The following KCND2 variants were observed in gnomAD, a reference collection of about 807,000 sequenced individuals.
KCND2 encodes potassium voltage-gated channel subfamily D member 2.
A neutral mutation model predicts 54.4 loss-of-function variants in KCND2; 16 were observed. That is an observed-to-expected ratio of 0.29 (90% CI 0.20 to 0.45). The LOEUF is 0.45. Ranked by LOEUF, KCND2 falls within the 20% of genes least tolerant of loss-of-function variation. The pLI is 1.00. For synonymous variants in KCND2, 317 were observed against 310.7 expected (o/e 1.02, Z -0.21); for missense variants, 486 against 824.2 (o/e 0.59, Z 5.02).
chr7:120,597,469 G>A (rs1464402695), intron 1 of KCND2, among the ~76,000 whole-genome samples: 3 of 152,126 alleles, frequency 2.0e-5, no homozygotes, highest in East Asian at 1.9e-4. Flanking sequence ...AAAAATAACC[G>A]AAGACATATA....
At chr7:120,359,636 T>G (rs971826204) in intron 1 of KCND2, among the ~76,000 whole-genome samples, 1 of 152,130 alleles carries the variant, frequency 6.6e-6, no homozygotes, top group Non-Finnish European at 1.5e-5. Flanking sequence ...CTTTTGATAA[T>G]AAAAAATACT....
At chr7:120,616,459 T>C (rs993268731) in intron 1 of KCND2, among the ~76,000 whole-genome samples, 1 of 152,206 alleles carries the variant, frequency 6.6e-6, no homozygotes, top group African/African-American at 2.4e-5. Context: ...TTTAAGAATC[T>C]GATAGAAATT....
intron 1 of KCND2, among the ~76,000 whole-genome samples, chr7:120,286,008 T>C (rs1425267681): frequency 1.3e-5 from 2 of 151,878 alleles, no homozygotes; most frequent in African/African-American, 4.8e-5. Context: ...AAAGGTAAGA[T>C]TTCTTTATCT....
intron 1 of KCND2, among the ~76,000 whole-genome samples, chr7:120,506,616 C>T (rs1268788429): frequency 2.0e-5 from 3 of 151,888 alleles, no homozygotes; most frequent in Admixed American, 6.6e-5. Context: ...TGGAAACAAA[C>T]GTACTGATGA....
chr7:120,726,225 T>C (rs1346070328), intron 1 of KCND2, among the ~76,000 whole-genome samples: 1 of 152,126 alleles, frequency 6.6e-6, no homozygotes, highest in Non-Finnish European at 1.5e-5. Context: ...TAGGCAAATA[T>C]CGATTTTAAA....
chr7:120,698,826 T>C (rs1220231291), intron 1 of KCND2, among the ~76,000 whole-genome samples: 1 of 152,204 alleles, frequency 6.6e-6, no homozygotes, highest in East Asian at 1.9e-4. Flanking sequence ...GTTCTTTGGG[T>C]TCAAAAGATG....
At chr7:120,455,296 G>T (rs1009200342) in intron 1 of KCND2, among the ~76,000 whole-genome samples, 15 of 152,076 alleles carry the variant, frequency 9.9e-5, no homozygotes, top group Non-Finnish European at 1.9e-4. Context: ...ATACTACAAG[G>T]CTACAGTAAC....
intron 1 of KCND2, among the ~76,000 whole-genome samples, chr7:120,398,107 C>T (rs17324341): frequency 0.1 from 14,600 of 143,768 alleles, 783 homozygotes; most frequent in Admixed American, 0.13. Flanking sequence ...AAGTTGGCTA[C>T]GTTCTGAATG....
intron 4 of KCND2, among the ~76,000 whole-genome samples, chr7:120,744,520 A>C (rs897204640): frequency 2.0e-5 from 3 of 152,120 alleles, no homozygotes; most frequent in African/African-American, 7.2e-5. Flanking sequence ...CAGATTGTGA[A>C]TCTTTTGTGC....
At chr7:120,278,190 C>T (rs961949985) in intron 1 of KCND2, among the ~76,000 whole-genome samples, 1 of 151,838 alleles carries the variant, frequency 6.6e-6, no homozygotes, top group African/African-American at 2.4e-5. Context: ...GTATTGTACC[C>T]TGAAGAAACA....
At chr7:120,542,904 G>T (rs1054054714) in intron 1 of KCND2, among the ~76,000 whole-genome samples, 5 of 152,026 alleles carry the variant, frequency 3.3e-5, no homozygotes, top group African/African-American at 1.2e-4. Context: ...AGTCCAGCGA[G>T]GTAAGGATTA....
chr7:120,515,910 G>T (rs1562861106), intron 1 of KCND2, among the ~76,000 whole-genome samples: 1 of 152,092 alleles, frequency 6.6e-6, no homozygotes, highest in Non-Finnish European at 1.5e-5. Context: ...GAGAAGGTCT[G>T]ATAGCACAAA....
At chr7:120,564,829 ATTTACAT>A (rs1167317009) in intron 1 of KCND2, among the ~76,000 whole-genome samples, 2 of 152,274 alleles carry the variant, frequency 1.3e-5, no homozygotes, top group Non-Finnish European at 2.9e-5. Context: ...AGGCAGAGGA[ATTTACAT>A]TTTAATGAGC....
chr7:120,540,078 G>C (rs1337081653), intron 1 of KCND2, among the ~76,000 whole-genome samples: 7 of 152,070 alleles, frequency 4.6e-5, no homozygotes, highest in Admixed American at 4.6e-4. Context: ...GTGTATTTTT[G>C]TGGTGACGGG....
At chr7:120,632,430 TAG>T (rs1052103829) in intron 1 of KCND2, among the ~76,000 whole-genome samples, 2 of 152,320 alleles carry the variant, frequency 1.3e-5, no homozygotes, top group Admixed American at 6.5e-5. Context: ...CTACTTTTTT[TAG>T]AGAGGTGAAG....
rs141881187 is a variant in KCND2 at position 120,593,606 on chromosome 7, A to G, written c.1116-139297A>G. 1.4e-4 allele frequency among the ~76,000 whole-genome samples: 21 copies of G among 152,048 alleles called. No homozygotes were observed. In the East Asian group the frequency reaches 4.1e-3, roughly 30 times the overall value. ...TTTGGCAGCAAGAGAGCTCCCCACC[A>G]TGATGATGATTAATGATTGTTCTAT... On this transcript the variant is annotated intron_variant, in intron 1 of 5. Coordinates refer to ENST00000331113, the MANE Select transcript of KCND2 (RefSeq NM_012281.3).
intron 1 of KCND2, among the ~76,000 whole-genome samples, chr7:120,315,922 G>T (rs1435637739): frequency 6.6e-6 from 1 of 151,932 alleles, no homozygotes; most frequent in African/African-American, 2.4e-5. Flanking sequence ...ATTTCCAAAG[G>T]TGTTTGTGGA....
intron 1 of KCND2, among the ~76,000 whole-genome samples, chr7:120,588,694 A>C (rs1463872234): frequency 6.6e-6 from 1 of 152,176 alleles, no homozygotes; most frequent in Non-Finnish European, 1.5e-5. Flanking sequence ...TTCAGTCACC[A>C]ATTACAATGA....
intron 1 of KCND2, among the ~76,000 whole-genome samples, chr7:120,366,662 G>A (rs1409308384): frequency 6.6e-6 from 1 of 152,116 alleles, no homozygotes; most frequent in Non-Finnish European, 1.5e-5. Flanking sequence ...AACCCAACAT[G>A]TGACAGAACA....
Sources: gnomAD v4.1 joint callset for allele counts (sites outside exome capture counted in the v4.1 genomes callset) on GRCh38, gnomAD v4.1.1 for gene constraint, MANE v1.5 for transcripts, NCBI Gene and HGNC (gene_info 2026-07-23, HGNC 2026-07-21) for gene names.